The following NFKB1 variants were observed in gnomAD, a reference collection of about 807,000 sequenced individuals.
NFKB1 encodes nuclear factor NF-kappa-B p105 subunit.
NFKB1 carries 9 observed loss-of-function variants against 105.1 expected under a neutral mutation model. The observed-to-expected ratio is 0.09, with a 90% confidence interval of 0.05 to 0.15. The LOEUF (loss-of-function observed/expected upper bound fraction) is 0.15, where lower values mean the gene tolerates loss of function less well. Ranked by LOEUF, NFKB1 falls within the 10% of genes least tolerant of loss-of-function variation. The pLI, the probability that NFKB1 is intolerant of heterozygous loss-of-function variation, is 1.00. For synonymous variants in NFKB1, 440 were observed against 442.2 expected (o/e 1.00, Z 0.06); for missense variants, 830 against 1,203.7 (o/e 0.69, Z 4.59).
At chr4:102,578,729 GT>G (rs1356381130) in intron 7 of NFKB1, 151 bp from the exon 8 acceptor site, 4 of 728,584 alleles carry the variant, frequency 5.5e-6, no homozygotes, top group Non-Finnish European at 8.6e-6. Flanking sequence ...AAATGAGACT[GT>G]TTTTAACACT....
At chr4:102,517,925 C>A (rs189608996) in intron 1 of NFKB1, among the ~76,000 whole-genome samples, 381 of 152,238 alleles carry the variant, frequency 2.5e-3, no homozygotes, top group African/African-American at 8.5e-3. Flanking sequence ...TGGTTGAAGT[C>A]TTTGGACTTT....
chr4:102,612,668 G>T (rs1180386668), intron 22 of NFKB1, 62 bp downstream of exon 22: 3 of 1,448,464 alleles, frequency 2.1e-6, no homozygotes, highest in Non-Finnish European at 1.9e-6. Flanking sequence ...AACATCTCTG[G>T]CCAGGGCATA....
At chr4:102,511,224 C>T (rs1394239816) in intron 1 of NFKB1, among the ~76,000 whole-genome samples, 2 of 152,044 alleles carry the variant, frequency 1.3e-5, no homozygotes, top group Admixed American at 1.3e-4. Context: ...AGCTGATTAA[C>T]ATAAGTAGGG....
At chr4:102,584,117 T>G (rs1487600718) in intron 10 of NFKB1, among the ~76,000 whole-genome samples, 5 of 152,228 alleles carry the variant, frequency 3.3e-5, no homozygotes, top group African/African-American at 9.6e-5. Flanking sequence ...AGAATACCAC[T>G]GTATGCTTTT....
At chr4:102,542,017 G>T (rs1742027854) in intron 5 of NFKB1, among the ~76,000 whole-genome samples, 1 of 152,124 alleles carries the variant, frequency 6.6e-6, no homozygotes, top group South Asian at 2.1e-4. Flanking sequence ...CCTGGCTGTG[G>T]TTTGCAGGCT....
At chr4:102,577,817 A>C (rs1401796388) in intron 7 of NFKB1, 1 of 985,314 alleles carries the variant, frequency 1.0e-6, no homozygotes, top group African/African-American at 1.7e-5. Context: ...TCCACACTAC[A>C]TTCCATTTTC....
At chr4:102,585,994 A>G (rs1393921338) in intron 11 of NFKB1, among the ~76,000 whole-genome samples, 1 of 152,108 alleles carries the variant, frequency 6.6e-6, no homozygotes. Context: ...CAGCTTAAGA[A>G]TTTTGCATTA....
chr4:102,596,091 A>T, intron 13 of NFKB1, 47 bp from the exon 14 acceptor site: 1 of 1,364,472 alleles, frequency 7.3e-7, no homozygotes, highest in Non-Finnish European at 1.0e-6. Context: ...AATTATCACT[A>T]AATACATTTT....
At chr4:102,542,540 T>C (rs931170636) in intron 5 of NFKB1, among the ~76,000 whole-genome samples, 3 of 152,118 alleles carry the variant, frequency 2.0e-5, no homozygotes, top group Non-Finnish European at 2.9e-5. Context: ...TCAAATAAAA[T>C]AGTTACAGCT....
At chr4:102,535,884 T>G (rs3796408) in intron 4 of NFKB1, among the ~76,000 whole-genome samples, 2 of 147,886 alleles carry the variant, frequency 1.4e-5, no homozygotes, top group East Asian at 1.9e-4. Context: ...TGTGTGGTTT[T>G]GGGGTTTTTT....
intron 1 of NFKB1, among the ~76,000 whole-genome samples, chr4:102,515,848 T>C (rs1740141651): frequency 6.6e-6 from 1 of 152,218 alleles, no homozygotes; most frequent in South Asian, 2.1e-4. Context: ...ATTGATGCTT[T>C]TTATTCTTTC....
At chr4:102,554,228 C>G (rs1263015575) in intron 5 of NFKB1, among the ~76,000 whole-genome samples, 1 of 152,160 alleles carries the variant, frequency 6.6e-6, no homozygotes, top group Non-Finnish European at 1.5e-5. Context: ...TGGCCACCTA[C>G]TGCAGCACTA....
Position 102,601,027 on chromosome 4 carries a change from G to A in NFKB1, c.1752+18G>A. The stretch of plus-strand genomic sequence containing the variant: ...TGTACCAGGTAAGCAGAAATCTCAA[G>A]AAAACAACTGAAGAAAAATCTGTAG... On this transcript the variant is annotated intron_variant, in intron 16 of 23. Coordinates refer to ENST00000226574, the MANE Select transcript of NFKB1 (RefSeq NM_003998.4). 1 of 1,392,954 alleles carries A rather than the reference G, an allele frequency of 7.2e-7. No homozygotes were observed. The highest frequency in any genetic ancestry group is 1.4e-5 in the African/African-American group (1 of 69,196). 86.3% of individuals were successfully genotyped at this position (1,392,954 alleles called of 1,614,324 possible).
At chr4:102,579,972 GA>G (rs111802427) in intron 8 of NFKB1, among the ~76,000 whole-genome samples, 1,796 of 139,410 alleles carry the variant, frequency 0.013, 21 homozygotes, top group African/African-American at 0.029. Flanking sequence ...AGCTGTTGGA[GA>G]AAAAAAAAAA....
intron 6 of NFKB1, among the ~76,000 whole-genome samples, chr4:102,574,620 GAC>G (rs1724663336): frequency 6.6e-6 from 1 of 152,024 alleles, no homozygotes; most frequent in Non-Finnish European, 1.5e-5. Flanking sequence ...TGCAGCCTGG[GAC>G]TCTTTAGGCA....
chr4:102,605,754 C>T (rs1727664063), intron 16 of NFKB1, among the ~76,000 whole-genome samples: 1 of 152,096 alleles, frequency 6.6e-6, no homozygotes, highest in African/African-American at 2.4e-5. Context: ...TTGTATTATC[C>T]TGGTTATGTT....
intron 5 of NFKB1, among the ~76,000 whole-genome samples, chr4:102,551,326 C>T (rs1682967481): frequency 6.7e-6 from 1 of 149,932 alleles, no homozygotes; most frequent in Non-Finnish European, 1.5e-5. Flanking sequence ...AGGAATCCCT[C>T]TTCAAAGGAT....
At chr4:102,612,169 A>C (rs1728483396) in intron 21 of NFKB1, 59 bp downstream of exon 21, 2 of 1,464,230 alleles carry the variant, frequency 1.4e-6, no homozygotes, top group Non-Finnish European at 9.6e-7. Flanking sequence ...TGTCATTTAA[A>C]GGGAGGAACC....
intron 16 of NFKB1, among the ~76,000 whole-genome samples, chr4:102,602,569 G>T (rs1416556727): frequency 1.3e-5 from 2 of 151,538 alleles, no homozygotes; most frequent in Non-Finnish European, 2.9e-5. Context: ...GCTTTAAAGT[G>T]CATTTAAAGC....
Sources: allele counts gnomAD v4.1 joint callset (sites outside exome capture counted in the v4.1 genomes callset), GRCh38; gene constraint gnomAD v4.1.1; transcripts MANE v1.5; gene names NCBI Gene and HGNC (gene_info 2026-07-23, HGNC 2026-07-21).